RAB6B: variants seen among roughly 807,000 people sequenced by gnomAD.
RAB6B encodes the protein RAB6B, member RAS oncogene family.
RAB6B carries 7 observed loss-of-function variants against 31.2 expected under a neutral mutation model. That is an observed-to-expected ratio of 0.22 (90% CI 0.13 to 0.42). The LOEUF (loss-of-function observed/expected upper bound fraction) is 0.42, where lower values mean the gene tolerates loss of function less well. Among genes scored for constraint, RAB6B ranks in the 10% least tolerant of loss-of-function variants. The probability of loss-of-function intolerance (pLI) is 1.00; values close to 1 mark genes in which losing one functional copy is unlikely to be tolerated. For missense variants in RAB6B, 149 were observed against 280.6 expected, an observed-to-expected ratio of 0.53 and a Z score of 3.35; for synonymous variants, 105 against 104.9, an observed-to-expected ratio of 1.00 and a Z score of -0.01.
Position 133,838,340 on chromosome 3 carries a change from G to A in RAB6B, c.402-81C>T, listed in dbSNP as rs1448844016. The A allele has an allele frequency of 3.1e-6, 4 of 1,295,288 alleles. No individual in the cohort carries two copies. The East Asian group carries it at 6.9e-5, about 22-fold the overall frequency. 80.2% of individuals were successfully genotyped at this position (1,295,288 alleles called of 1,614,324 possible). ...ATATGAGGAGGGACCCACCCAGCAGGGCAGAGGGAGCCCACTGGGCCCTTG... is the reference window on the plus strand; with the variant it reads ...ATATGAGGAGGGACCCACCCAGCAGAGCAGAGGGAGCCCACTGGGCCCTTG... On this transcript the variant is annotated intron_variant, in intron 5 of 7. Coordinates refer to ENST00000285208, the MANE Select transcript of RAB6B (RefSeq NM_016577.4).
chr3:133,859,464 G>C (rs1023784699), intron 2 of RAB6B, among the ~76,000 whole-genome samples: 1 of 152,168 alleles, frequency 6.6e-6, no homozygotes, highest in Non-Finnish European at 1.5e-5. Context: ...ATGAGTGTGT[G>C]AGTGTGTCCA....
chr3:133,889,442 A>ATATATATATT (rs1936606374), intron 1 of RAB6B, among the ~76,000 whole-genome samples: 4 of 87,854 alleles, frequency 4.6e-5, no homozygotes, highest in African/African-American at 8.9e-5. Context: ...ATATATATAT[A>ATATATATATT]TATTTATTTT....
rs1281344895 is a variant in RAB6B, at chr3:133,826,130, TGCCGAAGGGA to T, written c.*2648_*2657del. On this transcript the variant is annotated 3_prime_UTR_variant, in exon 8 of 8. Coordinates refer to ENST00000285208, the MANE Select transcript of RAB6B (RefSeq NM_016577.4). ...GGAAGGGAGGGGCGGAAACCGCACG[TGCCGAAGGGA>T]GCGCCATGGAACCACTGAGATGGGA... is the stretch of plus-strand genomic sequence containing the variant. 6.6e-6 allele frequency: 1 copy of T among 152,160 alleles called. No homozygotes were observed. Among genetic ancestry groups the T allele is most frequent in the Non-Finnish European group, 1.5e-5 (1 of 68,048 alleles). The allele number at this position is 152,160 out of a possible 1,614,324, so 9.4% of individuals were successfully genotyped here.
chr3:133,840,816 C>T (rs1029369835), intron 4 of RAB6B, among the ~76,000 whole-genome samples: 16 of 152,090 alleles, frequency 1.1e-4, no homozygotes, highest in African/African-American at 1.4e-4. Flanking sequence ...CAGCCTACTG[C>T]GCTTCCAGAC....
chr3:133,830,141 T>TCTCTCTGCCAGCTGCAGTTC (rs1935634933), intron 7 of RAB6B, among the ~76,000 whole-genome samples: 1 of 152,254 alleles, frequency 6.6e-6, no homozygotes, highest in South Asian at 2.1e-4. Flanking sequence ...CCCTGCTGTT[T>TCTCTCTGCCAGCTGCAGTTC]CTCTCTGCCA....
intron 7 of RAB6B, among the ~76,000 whole-genome samples, chr3:133,832,174 G>C (rs1935663925): frequency 6.6e-6 from 1 of 152,214 alleles, no homozygotes; most frequent in Admixed American, 6.5e-5. Flanking sequence ...GGGCCCATGT[G>C]ATGGGCGCAT....
intron 1 of RAB6B, among the ~76,000 whole-genome samples, chr3:133,871,746 G>T (rs1304427296): frequency 6.6e-6 from 1 of 152,242 alleles, no homozygotes; most frequent in Non-Finnish European, 1.5e-5. Flanking sequence ...ATTAGCCAGA[G>T]ACTGCACGGA....
At chr3:133,852,026 C>T (rs1226964386) in intron 2 of RAB6B, among the ~76,000 whole-genome samples, 1 of 152,252 alleles carries the variant, frequency 6.6e-6, no homozygotes, top group East Asian at 1.9e-4. Context: ...GTTAGATCTA[C>T]ACTGATGGGC....
At chr3:133,871,957 A>T (rs1490430463) in intron 1 of RAB6B, among the ~76,000 whole-genome samples, 1 of 152,206 alleles carries the variant, frequency 6.6e-6, no homozygotes, top group African/African-American at 2.4e-5. Flanking sequence ...CTAGGGCCCC[A>T]GGAGTTCCGG....
intron 7 of RAB6B, among the ~76,000 whole-genome samples, chr3:133,833,779 A>G (rs1935691093): frequency 6.6e-6 from 1 of 152,074 alleles, no homozygotes; most frequent in Admixed American, 6.5e-5. Flanking sequence ...AGGGATCTGC[A>G]TGCTTGTTTT....
At chr3:133,862,471 C>T (rs115522852) in intron 2 of RAB6B, among the ~76,000 whole-genome samples, 254 of 152,254 alleles carry the variant, frequency 1.7e-3, no homozygotes, top group African/African-American at 6.0e-3. Flanking sequence ...AAGATGGTCA[C>T]GGAGGGGACA....
At chr3:133,885,263 A>C (rs1410092613) in intron 1 of RAB6B, among the ~76,000 whole-genome samples, 1 of 149,822 alleles carries the variant, frequency 6.7e-6, no homozygotes, top group African/African-American at 2.5e-5. Flanking sequence ...ACACCCAATG[A>C]CCAGAGGAGG....
At chr3:133,892,769 G>A (rs1390676523) in intron 1 of RAB6B, among the ~76,000 whole-genome samples, 2 of 152,188 alleles carry the variant, frequency 1.3e-5, no homozygotes, top group African/African-American at 4.8e-5. Flanking sequence ...TAAAAAGAGC[G>A]AGCCAGGGCC....
Position 133,828,539 on chromosome 3 carries a change from G to A in RAB6B, c.*249C>T. 1 of 484,614 alleles carries A rather than the reference G, an allele frequency of 2.1e-6. No individual in the cohort carries two copies. The highest frequency in any genetic ancestry group is 3.6e-6 in the Non-Finnish European group (1 of 276,958). 30.0% of individuals were successfully genotyped at this position (484,614 alleles called of 1,614,324 possible). A position where few individuals can be genotyped will look rare whatever the true frequency, so the allele number is the denominator to read the frequency against. ...TTTTTTTTAAATTTTAACAGTTTTTGGCAATCTTAATAAAGTACAATATAT... is the reference window on the plus strand; with the variant it reads ...TTTTTTTTAAATTTTAACAGTTTTTAGCAATCTTAATAAAGTACAATATAT... On this transcript the variant is annotated 3_prime_UTR_variant, in exon 8 of 8. Transcript: ENST00000285208.
At chr3:133,888,331 T>C (rs1198779703) in intron 1 of RAB6B, among the ~76,000 whole-genome samples, 3 of 152,226 alleles carry the variant, frequency 2.0e-5, no homozygotes, top group East Asian at 3.8e-4. Flanking sequence ...AAGTGCCCTG[T>C]GTGGAGCCTC....
Position 133,895,711 on chromosome 3 carries a change from G to C in RAB6B, c.-245C>G, listed in dbSNP as rs939027314. ...AGGCTGGGGCTGGGCTGCTGCGGTCGGCACTGGCTGCGGTGCGAGGGGCGC... is the reference window on the plus strand; with the variant it reads ...AGGCTGGGGCTGGGCTGCTGCGGTCCGCACTGGCTGCGGTGCGAGGGGCGC... On this transcript the variant is annotated 5_prime_UTR_variant, in exon 1 of 8. Coordinates refer to ENST00000285208, the MANE Select transcript of RAB6B (RefSeq NM_016577.4). 2 of 517,152 alleles carry C rather than the reference G, an allele frequency of 3.9e-6. No homozygotes were observed. The highest frequency in any genetic ancestry group is 6.7e-6 in the Non-Finnish European group (2 of 296,980). 32.0% of individuals were successfully genotyped at this position (517,152 alleles called of 1,614,324 possible).
intron 7 of RAB6B, among the ~76,000 whole-genome samples, chr3:133,830,479 T>G (rs2107984901): frequency 6.6e-6 from 1 of 152,290 alleles, no homozygotes; most frequent in South Asian, 2.1e-4. Context: ...TTTAAACACG[T>G]CCTATGCTTT....
In RAB6B at chr3:133,895,575, G is replaced by A. The variant is rs1304366616; in HGVS notation, c.-109C>T. On this transcript the variant is annotated 5_prime_UTR_variant, in exon 1 of 8. Coordinates refer to ENST00000285208, the MANE Select transcript of RAB6B (RefSeq NM_016577.4). ...GGCCGGCGGTGCGGGAGCCGGAGGGGGAAGGGCTGGCTGCGCGCGTCCCTG... is the reference window on the plus strand; with the variant it reads ...GGCCGGCGGTGCGGGAGCCGGAGGGAGAAGGGCTGGCTGCGCGCGTCCCTG... 1.8e-6 allele frequency: 2 copies of A among 1,118,052 alleles called. No individual in the cohort carries two copies. Among genetic ancestry groups the A allele is most frequent in the Non-Finnish European group, 2.6e-6 (2 of 764,388 alleles). The allele number at this position is 1,118,052 out of a possible 1,614,324, so 69.3% of individuals were successfully genotyped here. A position where few individuals can be genotyped will look rare whatever the true frequency, so the allele number is the denominator to read the frequency against.
At chr3:133,887,399 G>A (rs779650724) in intron 1 of RAB6B, among the ~76,000 whole-genome samples, 2 of 152,214 alleles carry the variant, frequency 1.3e-5, no homozygotes, top group Non-Finnish European at 2.9e-5. Flanking sequence ...CAGGAGAGGA[G>A]GTGGTAGGCT....
Sources: allele counts gnomAD v4.1 joint callset (sites outside exome capture counted in the v4.1 genomes callset), GRCh38; gene constraint gnomAD v4.1.1; transcripts MANE v1.5; gene names NCBI Gene and HGNC (gene_info 2026-07-23, HGNC 2026-07-21).